Variants in AGK observed in about 807,000 individuals in gnomAD.
The protein encoded by AGK is acylglycerol kinase, also known as acylglycerol kinase, mitochondrial.
Under a neutral mutation model 66.4 loss-of-function variants are expected in AGK, and 52 were observed. That is an observed-to-expected ratio of 0.78 (90% CI 0.63 to 0.99). The LOEUF is 0.99. Ranked by LOEUF, AGK falls within the 50% of genes least tolerant of loss-of-function variation. The pLI is 0.00. For missense variants in AGK, 451 were observed against 506.6 expected, an observed-to-expected ratio of 0.89 and a Z score of 1.05; for synonymous variants, 182 against 181.1, an observed-to-expected ratio of 1.00 and a Z score of -0.04.
At chr7:141,610,985 G>A (rs555018219) in intron 5 of AGK, among the ~76,000 whole-genome samples, 4 of 152,160 alleles carry the variant, frequency 2.6e-5, no homozygotes, top group Non-Finnish European at 2.9e-5. Flanking sequence ...CTGACTAGAT[G>A]GTTTCTGAGG....
At chr7:141,638,722 TAG>T (rs981782318) in intron 11 of AGK, among the ~76,000 whole-genome samples, 1 of 152,182 alleles carries the variant, frequency 6.6e-6, no homozygotes, top group Non-Finnish European at 1.5e-5. Flanking sequence ...TATGAGGGAC[TAG>T]AGTTTGGTAA....
At chr7:141,651,312 C>T (rs571885980) in intron 14 of AGK, among the ~76,000 whole-genome samples, 28 of 152,304 alleles carry the variant, frequency 1.8e-4, no homozygotes, top group Non-Finnish European at 3.5e-4. Flanking sequence ...AAAGTCATAA[C>T]TTCATGCCCA....
At chr7:141,624,095 T>C (rs1796884935) in intron 9 of AGK, among the ~76,000 whole-genome samples, 1 of 152,136 alleles carries the variant, frequency 6.6e-6, no homozygotes, top group Non-Finnish European at 1.5e-5. Flanking sequence ...AAAATATTAC[T>C]GCTTATTAAC....
At chr7:141,617,465 G>C (rs1447775544) in intron 8 of AGK, among the ~76,000 whole-genome samples, 1 of 152,184 alleles carries the variant, frequency 6.6e-6, no homozygotes, top group Admixed American at 6.5e-5. Flanking sequence ...TCAGAGTTCT[G>C]TAGGCCTCAT....
chr7:141,592,478 C>T (rs1264618310), intron 2 of AGK, among the ~76,000 whole-genome samples: 1 of 152,136 alleles, frequency 6.6e-6, no homozygotes, highest in African/African-American at 2.4e-5. Flanking sequence ...TTGGATGATC[C>T]AGGACGATCT....
chr7:141,615,629 G>A, intron 8 of AGK, 64 bp downstream of exon 8: 3 of 1,260,276 alleles, frequency 2.4e-6, no homozygotes, highest in South Asian at 2.4e-5. Context: ...AAAAATTTAT[G>A]TGTATGCTAT....
chr7:141,599,455 A>G (rs1796296932), intron 4 of AGK: 2 of 152,150 alleles, frequency 1.3e-5, no homozygotes. Context: ...ATAGAAAATT[A>G]GAAGGAAAAA....
At chr7:141,578,935 A>G (rs1256305776) in intron 2 of AGK, among the ~76,000 whole-genome samples, 9 of 152,096 alleles carry the variant, frequency 5.9e-5, no homozygotes, top group African/African-American at 2.2e-4. Flanking sequence ...GGATAGCACC[A>G]GGAGATATCA....
intron 3 of AGK, 61 bp from the exon 4 acceptor site, chr7:141,596,501 A>G: frequency 1.4e-6 from 2 of 1,432,794 alleles, no homozygotes; most frequent in Non-Finnish European, 2.0e-6. Context: ...ATGAAAGAAT[A>G]CATGTGACAT....
intron 5 of AGK, among the ~76,000 whole-genome samples, chr7:141,605,905 T>G (rs974305522): frequency 2.6e-5 from 4 of 152,214 alleles, no homozygotes; most frequent in Non-Finnish European, 1.5e-5. Flanking sequence ...TATTAGAATA[T>G]TCTTCCTAAT....
At chr7:141,553,189 T>C (rs1012415144) in intron 1 of AGK, among the ~76,000 whole-genome samples, 9 of 152,198 alleles carry the variant, frequency 5.9e-5, no homozygotes, top group African/African-American at 1.9e-4. Context: ...AGACCATCTC[T>C]GTAGTGTCTA....
chr7:141,558,802 T>G (rs992840510), intron 2 of AGK, among the ~76,000 whole-genome samples: 1 of 152,226 alleles, frequency 6.6e-6, no homozygotes, highest in Non-Finnish European at 1.5e-5. Context: ...ATTTTCTGTT[T>G]CTTTGATATG....
chr7:141,634,749 T>G (rs893010932), intron 10 of AGK, among the ~76,000 whole-genome samples: 4 of 152,044 alleles, frequency 2.6e-5, no homozygotes, highest in African/African-American at 9.7e-5. Context: ...ACAGTTTGAG[T>G]ATAGTTTAAA....
chr7:141,552,444 C>T (rs1258831720), intron 1 of AGK, among the ~76,000 whole-genome samples: 10 of 152,222 alleles, frequency 6.6e-5, no homozygotes, highest in African/African-American at 2.4e-4. Context: ...TTGCAACCAA[C>T]ATGGGAGTAC....
At chr7:141,602,850 T>C (rs1796374903) in intron 5 of AGK, among the ~76,000 whole-genome samples, 1 of 152,000 alleles carries the variant, frequency 6.6e-6, no homozygotes, top group African/African-American at 2.4e-5. Context: ...TTTTGATGCA[T>C]AATATTTTTA....
In AGK at chr7:141,652,808, A is replaced by C. The variant is rs764590024; in HGVS notation, c.1153A>C (p.Ile385Leu). Reference sequence around the variant, plus strand: ...CCAGGGAGCAGGGGGCTCTTTTAGCATTGACAGTGAGGAGTATGAAGCGAT... The same window carrying C: ...CCAGGGAGCAGGGGGCTCTTTTAGCCTTGACAGTGAGGAGTATGAAGCGAT... ...IPEGAGGSFS[I>L]DSEEYEAMPV... is the part of the protein sequence containing the mutation. The change falls in exon 16 of 16, where the codon ATT becomes CTT. Residue 385 changes from isoleucine (I) to leucine (L), a missense_variant. Coordinates refer to ENST00000649286, the MANE Select transcript of AGK (RefSeq NM_018238.4). The C allele has an allele frequency of 1.9e-6, 3 of 1,613,568 alleles. No homozygotes were observed. Among genetic ancestry groups the C allele is most frequent in the African/African-American group, 1.3e-5 (1 of 74,976 alleles).
At chr7:141,605,151 C>A (rs1425730259) in intron 5 of AGK, among the ~76,000 whole-genome samples, 1 of 152,112 alleles carries the variant, frequency 6.6e-6, no homozygotes, top group East Asian at 1.9e-4. Context: ...TCAGATTATC[C>A]AGGTAGCACG....
rs114898656 is a variant in AGK at position 141,595,128 on chromosome 7, A to T, written c.142-1434A>T. On this transcript the variant is annotated intron_variant, in intron 3 of 15. Transcript: ENST00000649286. The stretch of plus-strand genomic sequence containing the variant: ...TTAATAACAAATCTCACATAAACTT[A>T]ATGTAGTCTCACATAAACTCCTTAG... Among the ~76,000 whole-genome samples the T allele has an allele frequency of 3.5e-3, 540 of 152,294 alleles. 2 individuals are homozygous for T. Among genetic ancestry groups the T allele is most frequent in the African/African-American group, 0.012 (505 of 41,552 alleles).
chr7:141,652,169 T>C (rs890683749), intron 15 of AGK, among the ~76,000 whole-genome samples: 2 of 152,214 alleles, frequency 1.3e-5, no homozygotes, highest in Non-Finnish European at 1.5e-5. Flanking sequence ...CATGTGGCCA[T>C]ATATTACTGT....
Sources: gnomAD v4.1 joint callset for allele counts (sites outside exome capture counted in the v4.1 genomes callset) on GRCh38, gnomAD v4.1.1 for gene constraint, MANE v1.5 for transcripts, NCBI Gene and HGNC (gene_info 2026-07-23, HGNC 2026-07-21) for gene names.